The following CCDC170 variants were observed in gnomAD, a reference collection of about 807,000 sequenced individuals.
CCDC170 encodes coiled-coil domain-containing protein 170.
Under a neutral mutation model 72.6 loss-of-function variants are expected in CCDC170, and 69 were observed. The observed-to-expected ratio is 0.95, with a 90% CI of 0.78 to 1.16. The LOEUF (loss-of-function observed/expected upper bound fraction) is 1.16, where lower values mean the gene tolerates loss of function less well. Ranked by LOEUF, CCDC170 falls within the 50% of genes most tolerant of loss-of-function variation. CCDC170 has a pLI of 0.00. For missense variants in CCDC170, 852 were observed against 832.5 expected (o/e 1.02, Z -0.29); for synonymous variants, 300 against 303.9 (o/e 0.99, Z 0.13).
In CCDC170 at chr6:151,518,913, A is replaced by G. The variant is rs146004961; in HGVS notation, c.58-17405A>G. On this transcript the variant is annotated intron_variant, in intron 1 of 10. Transcript: ENST00000239374. ...GAGGGCAAAAAGGAGAATGAAGATC[A>G]CGTGCTTCTGAAGCCAATAAAGATC... Among the ~76,000 whole-genome samples the G allele has an allele frequency of 2.6e-3, 397 of 152,364 alleles. 2 individuals carry two copies. Among genetic ancestry groups the G allele is most frequent in the African/African-American group, 9.2e-3 (384 of 41,580 alleles).
chr6:151,519,106 G>T (rs1460978187), intron 1 of CCDC170, among the ~76,000 whole-genome samples: 1 of 152,114 alleles, frequency 6.6e-6, no homozygotes, highest in Non-Finnish European at 1.5e-5. Context: ...ACCAGGGTGG[G>T]ATTTTTTTCC....
chr6:151,520,960 C>A (rs1171499893), intron 1 of CCDC170, among the ~76,000 whole-genome samples: 1 of 152,216 alleles, frequency 6.6e-6, no homozygotes, highest in African/African-American at 2.4e-5. Context: ...TGAATTAACT[C>A]TTTCTCTATT....
chr6:151,569,052 G>A (rs1481389683), intron 5 of CCDC170, among the ~76,000 whole-genome samples: 18 of 152,150 alleles, frequency 1.2e-4, no homozygotes, highest in Admixed American at 1.2e-3. Context: ...AGCAATGTAT[G>A]AGACTACCTG....
intron 3 of CCDC170, among the ~76,000 whole-genome samples, chr6:151,540,100 CTTAG>C (rs1173028656): frequency 6.6e-6 from 1 of 152,092 alleles, no homozygotes; most frequent in Non-Finnish European, 1.5e-5. Context: ...TAATTTCTGT[CTTAG>C]TTGGTTTGGG....
intron 4 of CCDC170, among the ~76,000 whole-genome samples, chr6:151,546,898 A>G (rs1782780101): frequency 6.6e-6 from 1 of 152,034 alleles, no homozygotes; most frequent in Non-Finnish European, 1.5e-5. Flanking sequence ...TGTTGGCCTC[A>G]GCTTACCTGA....
At chr6:151,532,620 A>AG (rs1307560281) in intron 1 of CCDC170, among the ~76,000 whole-genome samples, 1 of 152,042 alleles carries the variant, frequency 6.6e-6, no homozygotes, top group African/African-American at 2.4e-5. Context: ...AAAAAAAAAA[A>AG]GAAAAAAAAA....
At chr6:151,497,058 T>C (rs1349736579) in intron 1 of CCDC170, among the ~76,000 whole-genome samples, 12 of 152,252 alleles carry the variant, frequency 7.9e-5, no homozygotes, top group Non-Finnish European at 1.6e-4. Flanking sequence ...GTCAGTGTTT[T>C]GAGAATCTGT....
chr6:151,527,659 G>C (rs1782431146), intron 1 of CCDC170, among the ~76,000 whole-genome samples: 1 of 152,112 alleles, frequency 6.6e-6, no homozygotes, highest in Admixed American at 6.6e-5. Context: ...CTGGAAGCTT[G>C]GTGGGGGCGT....
intron 1 of CCDC170, among the ~76,000 whole-genome samples, chr6:151,503,745 G>A (rs942949978): frequency 4.6e-5 from 7 of 152,074 alleles, no homozygotes; most frequent in African/African-American, 2.4e-5. Context: ...GAGCCACCGC[G>A]CCCAGCAATG....
At chr6:151,587,589 C>T (rs552841849) in intron 7 of CCDC170, among the ~76,000 whole-genome samples, 1 of 152,258 alleles carries the variant, frequency 6.6e-6, no homozygotes, top group Non-Finnish European at 1.5e-5. Flanking sequence ...CCTTTTCATT[C>T]TTCTGTACTT....
intron 5 of CCDC170, among the ~76,000 whole-genome samples, chr6:151,551,749 T>G (rs1782882122): frequency 6.6e-6 from 1 of 152,282 alleles, no homozygotes; most frequent in African/African-American, 2.4e-5. Flanking sequence ...TGGGGAGGAC[T>G]GCAGCCCTGC....
chr6:151,535,946 G>A (rs572873752), intron 1 of CCDC170, among the ~76,000 whole-genome samples: 1 of 152,034 alleles, frequency 6.6e-6, no homozygotes, highest in East Asian at 1.9e-4. Flanking sequence ...GTAGAGATAG[G>A]GTCTTGCTGT....
At chr6:151,591,325 G>A (rs1055304179) in intron 7 of CCDC170, among the ~76,000 whole-genome samples, 7 of 152,116 alleles carry the variant, frequency 4.6e-5, no homozygotes, top group African/African-American at 1.7e-4. Context: ...CATCCAGCAA[G>A]CACTTAGTAA....
At chr6:151,569,308 T>A (rs538077188) in intron 5 of CCDC170, among the ~76,000 whole-genome samples, 1 of 152,234 alleles carries the variant, frequency 6.6e-6, no homozygotes, top group Non-Finnish European at 1.5e-5. Context: ...TTGGATGGTT[T>A]CATTACTTAA....
intron 6 of CCDC170, among the ~76,000 whole-genome samples, chr6:151,578,912 T>A (rs1891002): frequency 0.45 from 68,826 of 152,010 alleles, 18,802 homozygotes; most frequent in East Asian, 0.82. Context: ...TAGGACAAAA[T>A]TGTCTCTCTG....
intron 1 of CCDC170, among the ~76,000 whole-genome samples, chr6:151,520,851 C>G (rs776882870): frequency 6.6e-6 from 1 of 152,284 alleles, no homozygotes; most frequent in South Asian, 2.1e-4. Context: ...GGCTTCCCCC[C>G]ACCCACCAAG....
intron 1 of CCDC170, among the ~76,000 whole-genome samples, chr6:151,508,746 T>C (rs1231800462): frequency 6.6e-6 from 1 of 151,550 alleles, no homozygotes; most frequent in Non-Finnish European, 1.5e-5. Flanking sequence ...CCGGGCGTGG[T>C]GGCTCACGCC....
intron 7 of CCDC170, among the ~76,000 whole-genome samples, chr6:151,589,212 G>A (rs1309081869): frequency 2.0e-5 from 3 of 151,938 alleles, no homozygotes; most frequent in African/African-American, 7.3e-5. Context: ...CCAAGATTGC[G>A]CCATTGTACT....
intron 5 of CCDC170, among the ~76,000 whole-genome samples, chr6:151,555,209 A>G (rs1782955703): frequency 6.6e-6 from 1 of 152,102 alleles, no homozygotes; most frequent in African/African-American, 2.4e-5. Context: ...AATCTGTAAA[A>G]TGGGAAAATA....
Sources: gnomAD v4.1 joint callset for allele counts (sites outside exome capture counted in the v4.1 genomes callset) on GRCh38, gnomAD v4.1.1 for gene constraint, MANE v1.5 for transcripts, NCBI Gene and HGNC (gene_info 2026-07-23, HGNC 2026-07-21) for gene names.